The following GRIA2 variants were observed in gnomAD, a reference collection of about 807,000 sequenced individuals.
GRIA2 encodes glutamate receptor 2.
GRIA2 carries 14 observed loss-of-function variants against 97.3 expected under a neutral mutation model. The observed-to-expected ratio is 0.14, with a 90% confidence interval of 0.10 to 0.23. GRIA2 has a LOEUF of 0.23. Ranked by LOEUF, GRIA2 falls within the 10% of genes least tolerant of loss-of-function variation. The pLI, the probability that GRIA2 is intolerant of heterozygous loss-of-function variation, is 1.00. For missense variants in GRIA2, 558 were observed against 1,069.8 expected (o/e 0.52, Z 6.67); for synonymous variants, 412 against 387.8 (o/e 1.06, Z -0.73).
chr4:157,226,235 C>T (rs1433733285), intron 2 of GRIA2, among the ~76,000 whole-genome samples: 1 of 151,838 alleles, frequency 6.6e-6, no homozygotes, highest in East Asian at 1.9e-4. Context: ...TCCAAGCCAG[C>T]AGATGGAGAT....
At chr4:157,282,639 T>C (rs985988521) in intron 2 of GRIA2, among the ~76,000 whole-genome samples, 1 of 152,060 alleles carries the variant, frequency 6.6e-6, no homozygotes, top group Admixed American at 6.6e-5. Context: ...GGAGATAGCT[T>C]TATCCTGTGC....
intron 4 of GRIA2, 127 bp downstream of exon 4, chr4:157,313,002 G>A (rs1037173723): frequency 1.6e-5 from 8 of 502,790 alleles, no homozygotes; most frequent in Non-Finnish European, 2.8e-5. Flanking sequence ...GTCGGATGCA[G>A]CAAAGATCAT....
intron 2 of GRIA2, among the ~76,000 whole-genome samples, chr4:157,252,607 T>C (rs1731064909): frequency 6.6e-6 from 1 of 152,058 alleles, no homozygotes; most frequent in Non-Finnish European, 1.5e-5. Context: ...TATGGCAACA[T>C]TTGGGTCATC....
intron 2 of GRIA2, among the ~76,000 whole-genome samples, chr4:157,236,943 T>C (rs780811555): frequency 6.6e-6 from 1 of 152,166 alleles, no homozygotes; most frequent in African/African-American, 2.4e-5. Context: ...TTTTAACCTG[T>C]TTATCGCTTT....
chr4:157,319,733 T>C (rs1294931131), intron 5 of GRIA2, among the ~76,000 whole-genome samples: 1 of 152,124 alleles, frequency 6.6e-6, no homozygotes, highest in Non-Finnish European at 1.5e-5. Context: ...AATAGGTGTT[T>C]ATAGAAGATT....
At chr4:157,261,070 C>A (rs966342048) in intron 2 of GRIA2, among the ~76,000 whole-genome samples, 13 of 151,988 alleles carry the variant, frequency 8.6e-5, no homozygotes, top group Non-Finnish European at 1.5e-5. Flanking sequence ...TAAAGGCATG[C>A]CTGAGACTGG....
In GRIA2 at chr4:157,363,551, C is replaced by T. The variant is rs866604878; in HGVS notation, c.*120C>T. The T allele has an allele frequency of 1.2e-5, 15 of 1,235,352 alleles. No homozygotes were observed. Among genetic ancestry groups the T allele is most frequent in the African/African-American group, 9.3e-5 (6 of 64,450 alleles). 76.5% of individuals were successfully genotyped at this position (1,235,352 alleles called of 1,614,324 possible). A position where few individuals can be genotyped will look rare whatever the true frequency, so the allele number is the denominator to read the frequency against. On this transcript the variant is annotated 3_prime_UTR_variant, in exon 16 of 16. Coordinates refer to ENST00000264426, the MANE Select transcript of GRIA2 (RefSeq NM_001083619.3). Reference sequence around the variant, plus strand: ...CCAAAGCAGTGCATGCTGTCCCTTACGTGAGTCCTGGCATGGGAATGAATG... The same window carrying T: ...CCAAAGCAGTGCATGCTGTCCCTTATGTGAGTCCTGGCATGGGAATGAATG...
At chr4:157,305,611 A>T (rs965567770) in intron 3 of GRIA2, among the ~76,000 whole-genome samples, 1 of 151,864 alleles carries the variant, frequency 6.6e-6, no homozygotes, top group Non-Finnish European at 1.5e-5. Flanking sequence ...ACCTTCTTTC[A>T]CTTTCTCAGA....
At chr4:157,286,488 G>A (rs1298774360) in intron 2 of GRIA2, among the ~76,000 whole-genome samples, 3 of 151,194 alleles carry the variant, frequency 2.0e-5, no homozygotes, top group Admixed American at 6.6e-5. Context: ...CCCAAAGTTA[G>A]GGCTTAATAA....
At position 157,232,333 on chromosome 4, in the gene GRIA2, A is replaced by C. The variant is rs1015158148; in HGVS notation, c.229+10526A>C. On this transcript the variant is annotated intron_variant, in intron 2 of 15. Transcript: ENST00000264426. ...AGATCTGGAAGTGGAGCTCTCTATA[A>C]GGGTGTGTGTGCTTTGCTAGGTTTT... Among the ~76,000 whole-genome samples, 28 of 152,114 alleles carry C rather than the reference A, an allele frequency of 1.8e-4. 1 individual carries two copies. Among genetic ancestry groups the C allele is most frequent in the Admixed American group, 5.9e-4 (9 of 15,276 alleles).
At chr4:157,230,782 T>G (rs1003573091) in intron 2 of GRIA2, among the ~76,000 whole-genome samples, 33 of 152,238 alleles carry the variant, frequency 2.2e-4, no homozygotes, top group Non-Finnish European at 1.9e-4. Flanking sequence ...AAGCTAGTTA[T>G]TATTTCTAGA....
At chr4:157,297,977 A>G (rs989985268) in intron 2 of GRIA2, among the ~76,000 whole-genome samples, 1 of 152,104 alleles carries the variant, frequency 6.6e-6, no homozygotes, top group Non-Finnish European at 1.5e-5. Context: ...GAAAGTTTGG[A>G]AAATATTTGC....
chr4:157,264,265 TGG>T (rs1731671619), intron 2 of GRIA2, among the ~76,000 whole-genome samples: 1 of 152,084 alleles, frequency 6.6e-6, no homozygotes, highest in Non-Finnish European at 1.5e-5. Flanking sequence ...TTAGTCTCAG[TGG>T]GCTAAAATTG....
At chr4:157,342,378 G>C in intron 12 of GRIA2, 1 of 985,016 alleles carries the variant, frequency 1.0e-6, no homozygotes, top group Non-Finnish European at 1.2e-6. Flanking sequence ...TACTATGGGA[G>C]AAAGGGTTCT....
intron 3 of GRIA2, among the ~76,000 whole-genome samples, chr4:157,310,526 C>T (rs890341453): frequency 3.0e-4 from 45 of 151,968 alleles, no homozygotes; most frequent in Admixed American, 8.5e-4. Flanking sequence ...TGATCTATAT[C>T]TCTTTTTTTC....
intron 2 of GRIA2, among the ~76,000 whole-genome samples, chr4:157,230,077 C>T (rs1174451625): frequency 6.6e-6 from 1 of 152,196 alleles, no homozygotes; most frequent in East Asian, 1.9e-4. Flanking sequence ...TAATGTCTAA[C>T]TTCAGCATAA....
intron 2 of GRIA2, among the ~76,000 whole-genome samples, chr4:157,279,097 G>A (rs1374506787): frequency 6.6e-6 from 1 of 152,090 alleles, no homozygotes; most frequent in East Asian, 1.9e-4. Flanking sequence ...CAGCAATCAT[G>A]CTCCTTGGTA....
intron 2 of GRIA2, among the ~76,000 whole-genome samples, chr4:157,286,950 T>C (rs1376729655): frequency 6.6e-6 from 1 of 151,636 alleles, no homozygotes; most frequent in Non-Finnish European, 1.5e-5. Context: ...AGTCAATTTA[T>C]TGAGTTGTGT....
At chr4:157,360,663 T>C (rs917554165) in intron 13 of GRIA2, 2 of 476,634 alleles carry the variant, frequency 4.2e-6, no homozygotes, top group Non-Finnish European at 8.3e-6. Flanking sequence ...CTTTACTATG[T>C]AGTTAACTCT....
Sources: gnomAD v4.1 joint callset for allele counts (sites outside exome capture counted in the v4.1 genomes callset) on GRCh38, gnomAD v4.1.1 for gene constraint, MANE v1.5 for transcripts, NCBI Gene and HGNC (gene_info 2026-07-23, HGNC 2026-07-21) for gene names.